Variants in LINS1 observed in about 807,000 individuals in gnomAD.
The protein encoded by LINS1 is protein Lines homolog 1.
In LINS1, 27 loss-of-function variants were observed where a neutral mutation model predicts 41.6. The observed-to-expected ratio is 0.65, with a 90% confidence interval of 0.48 to 0.89. The LOEUF (loss-of-function observed/expected upper bound fraction) is 0.89, where lower values mean the gene tolerates loss of function less well. LINS1 is among the 40% of genes least tolerant of loss of function. LINS1 has a pLI of 0.00. For missense variants in LINS1, 955 were observed against 884.1 expected (o/e 1.08, Z -1.02); for synonymous variants, 336 against 312.9 (o/e 1.07, Z -0.78).
intron 1 of LINS1, 105 bp from the exon 2 acceptor site, chr15:100,581,050 G>A: frequency 2.0e-6 from 1 of 497,854 alleles, no homozygotes; most frequent in Non-Finnish European, 3.5e-6. Flanking sequence ...TAAAGGGGAT[G>A]CTGACTGCTT....
At chr15:100,591,452 G>A (rs532819819) in intron 1 of LINS1, among the ~76,000 whole-genome samples, 2 of 152,276 alleles carry the variant, frequency 1.3e-5, no homozygotes, top group Non-Finnish European at 2.9e-5. Flanking sequence ...TGACCAAAAA[G>A]GGAGAATTTT....
chr15:100,575,050 A>G lies in LINS1; in HGVS notation c.568T>C (p.Cys190Arg). 2 of 1,612,824 alleles carry G rather than the reference A, an allele frequency of 1.2e-6. No individual in the cohort carries two copies. Among genetic ancestry groups the G allele is most frequent in the Non-Finnish European group, 1.7e-6 (2 of 1,179,346 alleles). ...ATTATTGCTGTAAGAGTCCAGAGGC[A>G]GTATATTGCTTTATTACTCTCAGAG... ...EYSESNKAIY[C>R]LWTLTAIIKE... Residue 190 changes from cysteine (C) to arginine (R), a missense_variant, in exon 4 of 7, where the codon TGC (cysteine) becomes CGC (arginine). Transcript: ENST00000314742.
Position 100,569,996 on chromosome 15 carries a change from A to G in LINS1, c.1516T>C (p.Ser506Pro), listed in dbSNP as rs2037732050. 6.4e-7 allele frequency: 1 copy of G among 1,561,142 alleles called. No homozygotes were observed. Among genetic ancestry groups the G allele is most frequent in the Non-Finnish European group, 8.6e-7 (1 of 1,156,466 alleles). ...ATCAAAAAGTCAAGAAGAACTGTGG[A>G]ATCAAATCCTATATTTTTCAAGAAG... ...LFFLKNIGFD[S>P]TVLLDFLISS... is the part of the protein sequence containing the mutation. Residue 506 changes from serine (S) to proline (P), a missense_variant, in exon 7 of 7, where the codon TCC becomes CCC. By Grantham distance (74) the Ser-to-Pro change is moderately conservative. Transcript: ENST00000314742.
intron 1 of LINS1, among the ~76,000 whole-genome samples, chr15:100,587,523 T>G (rs979639918): frequency 6.6e-6 from 1 of 152,198 alleles, no homozygotes; most frequent in African/African-American, 2.4e-5. Context: ...TGCTTCCAGT[T>G]TTCATTCATT....
chr15:100,588,643 CTTAAT>C (rs751073072), intron 1 of LINS1, among the ~76,000 whole-genome samples: 93 of 152,100 alleles, frequency 6.1e-4, no homozygotes, highest in Non-Finnish European at 1.1e-3. Context: ...TTAAAAATTG[CTTAAT>C]TTATTCTGGA....
intron 3 of LINS1, among the ~76,000 whole-genome samples, chr15:100,575,503 A>G (rs11856645): frequency 0.41 from 61,765 of 151,884 alleles, 13,239 homozygotes; most frequent in Non-Finnish European, 0.49. Flanking sequence ...ACCCAATACA[A>G]GAGCACCCAG....
intron 3 of LINS1, among the ~76,000 whole-genome samples, chr15:100,579,817 G>C (rs927721500): frequency 6.6e-6 from 1 of 152,142 alleles, no homozygotes; most frequent in Non-Finnish European, 1.5e-5. Context: ...CTTTTTAGGG[G>C]GAAGGGGTCC....
chr15:100,601,651 G>T (rs1044267901), intron 1 of LINS1, among the ~76,000 whole-genome samples: 5 of 151,922 alleles, frequency 3.3e-5, no homozygotes, highest in African/African-American at 1.2e-4. Context: ...ATAATTTTGT[G>T]TTTGTTTCCC....
At chr15:100,584,015 A>G (rs1250286146) in intron 1 of LINS1, among the ~76,000 whole-genome samples, 2 of 145,234 alleles carry the variant, frequency 1.4e-5, no homozygotes, top group African/African-American at 5.2e-5. Context: ...TTTATTTATT[A>G]TCCCTATTGC....
intron 4 of LINS1, 44 bp downstream of exon 4, chr15:100,574,943 C>A (rs748904728): frequency 1.3e-6 from 2 of 1,592,118 alleles, no homozygotes; most frequent in Non-Finnish European, 1.7e-6. Context: ...GCAACGCTCC[C>A]AGGAGCAAGA....
At chr15:100,576,817 C>A (rs1200803501) in intron 3 of LINS1, 1 of 152,212 alleles carries the variant, frequency 6.6e-6, no homozygotes, top group Non-Finnish European at 1.5e-5. Context: ...CATCAAAAAG[C>A]TTATCCACCA....
chr15:100,574,716 A>C (rs1287395933), intron 4 of LINS1, among the ~76,000 whole-genome samples: 1 of 152,252 alleles, frequency 6.6e-6, no homozygotes, highest in African/African-American at 2.4e-5. Context: ...CAAAAAAATA[A>C]AACAAAACAA....
intron 1 of LINS1, among the ~76,000 whole-genome samples, chr15:100,599,957 T>C (rs80052759): frequency 0.15 from 22,989 of 152,014 alleles, 1,966 homozygotes; most frequent in Admixed American, 0.27. Context: ...TCCCAGGTAC[T>C]CAGGAGGCTG....
At chr15:100,597,603 T>C (rs1268160735) in intron 1 of LINS1, among the ~76,000 whole-genome samples, 1 of 152,378 alleles carries the variant, frequency 6.6e-6, no homozygotes, top group East Asian at 1.9e-4. Flanking sequence ...AGTGTATCAA[T>C]ATGAATACTT....
chr15:100,574,093 G>A lies in LINS1; in HGVS notation c.780C>T (p.Ile260=), dbSNP rs749089975. The A allele has an allele frequency of 8.7e-6, 14 of 1,614,172 alleles. No individual in the cohort carries two copies. The South Asian group carries it at 8.8e-5, about 10-fold the overall frequency. Residue 260 remains isoleucine (I), a synonymous_variant, in exon 5 of 7, where the codon ATC becomes ATT. Transcript: ENST00000314742. ...MCFLDLLELL[I]ASRIHLKLHF... is the part of the protein sequence containing the mutation. ...GTAACTTCAGGTGGATTCTGGAGGC[G>A]ATGAGAAGCTCAAGCAAATCCAGGA...
chr15:100,577,103 T>C lies in LINS1; in HGVS notation c.490-1975A>G, dbSNP rs1489023221. 3.3e-5 allele frequency among the ~76,000 whole-genome samples: 5 copies of C among 152,212 alleles called. No homozygotes were observed. In the East Asian group the frequency reaches 9.6e-4, roughly 29 times the overall value. The stretch of plus-strand genomic sequence containing the variant: ...TGGGCAAAAACTGGAAGCATTCCCT[T>C]TGAAAACTGGCACAAGACAGGGATG... On this transcript the variant is annotated intron_variant, in intron 3 of 6. Transcript: ENST00000314742.
At chr15:100,581,263 T>C (rs1362724220) in intron 1 of LINS1, among the ~76,000 whole-genome samples, 1 of 152,198 alleles carries the variant, frequency 6.6e-6, no homozygotes, top group Non-Finnish European at 1.5e-5. Context: ...GATAACTTTG[T>C]AGTGGGGAGC....
intron 1 of LINS1, chr15:100,596,792 G>A (rs2039265588): frequency 6.6e-6 from 1 of 152,254 alleles, no homozygotes; most frequent in African/African-American, 2.4e-5. Context: ...GAGGAAGCCT[G>A]CTGCAATTGG....
Position 100,569,122 on chromosome 15 carries a change from CAAAA to C in LINS1, c.*112_*115del, listed in dbSNP as rs56225071. ...TGAGCGACAGAATGAGATTCTGTCT[CAAAA>C]AAAAAAAAAAAAAAGAAAACCCTTT... On this transcript the variant is annotated 3_prime_UTR_variant, in exon 7 of 7. Coordinates refer to ENST00000314742, the MANE Select transcript of LINS1 (RefSeq NM_001040616.3). 3,019 of 476,348 alleles carry C rather than the reference CAAAA, an allele frequency of 6.3e-3. 52 individuals carry two copies. The African/African-American group carries it at 0.065, about 10-fold the overall frequency. The allele number at this position is 476,348 out of a possible 1,614,324, so 29.5% of individuals were successfully genotyped here.
Sources: allele counts gnomAD v4.1 joint callset (sites outside exome capture counted in the v4.1 genomes callset), GRCh38; gene constraint gnomAD v4.1.1; transcripts MANE v1.5; gene names NCBI Gene and HGNC (gene_info 2026-07-23, HGNC 2026-07-21).